Variants in MB21D2 observed in about 807,000 individuals in gnomAD.
The protein encoded by MB21D2 is nucleotidyltransferase MB21D2.
A neutral mutation model predicts 33.3 loss-of-function variants in MB21D2; 9 were observed. The observed-to-expected ratio is 0.27, with a 90% CI of 0.16 to 0.47. The LOEUF is 0.47. Ranked by LOEUF, MB21D2 falls within the 20% of genes least tolerant of loss-of-function variation. The pLI is 0.99. For synonymous variants in MB21D2, 241 were observed against 236.3 expected (o/e 1.02, Z -0.18); for missense variants, 540 against 624.6 (o/e 0.86, Z 1.44).
intron 1 of MB21D2, among the ~76,000 whole-genome samples, chr3:192,837,786 G>T (rs1712471880): frequency 6.6e-6 from 1 of 152,166 alleles, no homozygotes; most frequent in Non-Finnish European, 1.5e-5. Context: ...TGTCTAATTT[G>T]AGAAACACAC....
chr3:192,814,698 TAA>T (rs11361135), intron 1 of MB21D2, among the ~76,000 whole-genome samples: 292 of 151,388 alleles, frequency 1.9e-3, no homozygotes, highest in Middle Eastern at 6.8e-3. Context: ...CTGTCTCTAC[TAA>T]AAAAAATACA....
intron 1 of MB21D2, among the ~76,000 whole-genome samples, chr3:192,885,513 G>A (rs36063041): frequency 0.43 from 65,698 of 151,824 alleles, 15,049 homozygotes; most frequent in Middle Eastern, 0.57. Flanking sequence ...GGAAAACTCC[G>A]AAGTGGGGAG....
chr3:192,874,481 C>G (rs142133804), intron 1 of MB21D2, among the ~76,000 whole-genome samples: 1 of 152,208 alleles, frequency 6.6e-6, no homozygotes, highest in Non-Finnish European at 1.5e-5. Flanking sequence ...TTTACCTAAA[C>G]GATGTCACTA....
chr3:192,916,714 G>A (rs916060985), intron 1 of MB21D2, among the ~76,000 whole-genome samples: 1 of 152,174 alleles, frequency 6.6e-6, no homozygotes, highest in Admixed American at 6.5e-5. Flanking sequence ...TCGGTCTCCC[G>A]GGCCTGGCTC....
At chr3:192,909,751 C>T (rs143023092) in intron 1 of MB21D2, among the ~76,000 whole-genome samples, 117 of 151,474 alleles carry the variant, frequency 7.7e-4, no homozygotes, top group African/African-American at 2.6e-3. Flanking sequence ...GCCAACATGG[C>T]GAAACCCCAT....
intron 1 of MB21D2, among the ~76,000 whole-genome samples, chr3:192,815,426 G>A (rs1172555763): frequency 6.6e-6 from 1 of 152,198 alleles, no homozygotes; most frequent in Non-Finnish European, 1.5e-5. Flanking sequence ...CACCCCACAA[G>A]GATGGAAGCA....
At chr3:192,831,621 A>G (rs1577176443) in intron 1 of MB21D2, among the ~76,000 whole-genome samples, 1 of 152,230 alleles carries the variant, frequency 6.6e-6, no homozygotes, top group East Asian at 1.9e-4. Flanking sequence ...ACTTTTGGAT[A>G]TAAGATGCAC....
chr3:192,824,197 A>G (rs958551913), intron 1 of MB21D2, among the ~76,000 whole-genome samples: 2 of 152,210 alleles, frequency 1.3e-5, no homozygotes, highest in Non-Finnish European at 2.9e-5. Flanking sequence ...GTCACACCCC[A>G]GTGTCTAAGG....
At chr3:192,870,048 G>A (rs911628704) in intron 1 of MB21D2, among the ~76,000 whole-genome samples, 1 of 152,180 alleles carries the variant, frequency 6.6e-6, no homozygotes, top group African/African-American at 2.4e-5. Context: ...AATGAATAAG[G>A]CTAATAATTA....
chr3:192,841,961 C>T (rs1001940548), intron 1 of MB21D2, among the ~76,000 whole-genome samples: 2 of 152,118 alleles, frequency 1.3e-5, no homozygotes, highest in African/African-American at 4.8e-5. Flanking sequence ...CAGAAAAGCT[C>T]CGTGGGCAGT....
chr3:192,914,881 C>A (rs1287527324), intron 1 of MB21D2, among the ~76,000 whole-genome samples: 1 of 152,102 alleles, frequency 6.6e-6, no homozygotes, highest in Non-Finnish European at 1.5e-5. Flanking sequence ...CAGCTGTCTA[C>A]CACCTCCTTG....
rs573071003 is a variant in MB21D2, at chr3:192,833,385, C to G, written c.212-33735G>C. On this transcript the variant is annotated intron_variant, in intron 1 of 1. Transcript: ENST00000392452. Reference sequence around the variant, plus strand: ...TTCTGACAATCTGACGCAACTATGGCAGCACATTCAAGCCATTAAAAATCT... The same window carrying G: ...TTCTGACAATCTGACGCAACTATGGGAGCACATTCAAGCCATTAAAAATCT... Among the ~76,000 whole-genome samples the G allele has an allele frequency of 3.9e-5, 6 of 152,300 alleles. No individual in the cohort carries two copies. The South Asian group carries it at 1.2e-3, about 32-fold the overall frequency.
intron 1 of MB21D2, among the ~76,000 whole-genome samples, chr3:192,912,249 G>A (rs1714373442): frequency 1.3e-5 from 2 of 152,138 alleles, no homozygotes; most frequent in Non-Finnish European, 1.5e-5. Flanking sequence ...CAAAGTTTTT[G>A]TTCACCATTT....
intron 1 of MB21D2, among the ~76,000 whole-genome samples, chr3:192,913,797 A>G (rs1162010372): frequency 6.6e-6 from 1 of 152,044 alleles, no homozygotes; most frequent in African/African-American, 2.4e-5. Context: ...ATACTATTGC[A>G]CTCCAGGCTG....
Position 192,839,241 on chromosome 3 carries a change from T to C in MB21D2, c.212-39591A>G, listed in dbSNP as rs898244355. On this transcript the variant is annotated intron_variant, in intron 1 of 1. Transcript: ENST00000392452. Reference sequence around the variant, plus strand: ...ACATATCAGAAGGTGAAGAGGTCAATACAAACAGGTCACCTTAATTCCTTT... The same window carrying C: ...ACATATCAGAAGGTGAAGAGGTCAACACAAACAGGTCACCTTAATTCCTTT... Among the ~76,000 whole-genome samples the C allele has an allele frequency of 2.6e-5, 4 of 152,236 alleles. No individual in the cohort carries two copies. In the South Asian group the frequency reaches 8.3e-4, roughly 32 times the overall value.
At chr3:192,842,141 A>G (rs1315063922) in intron 1 of MB21D2, among the ~76,000 whole-genome samples, 3 of 152,206 alleles carry the variant, frequency 2.0e-5, no homozygotes, top group Admixed American at 2.0e-4. Flanking sequence ...AGAGAGGTCA[A>G]CCAGGAGCCT....
Position 192,880,609 on chromosome 3 carries a change from C to T in MB21D2, c.211+37021G>A, listed in dbSNP as rs551432779. Among the ~76,000 whole-genome samples the T allele has an allele frequency of 1.5e-3, 231 of 152,084 alleles. 5 individuals are homozygous for T. The highest frequency in any genetic ancestry group is 5.2e-3 in the African/African-American group (214 of 41,396). ...CCCCCAGGAAAAGCACGGCCTAGGGCGAGCAGCTGTCGGAGGGGACGGACT... is the reference window on the plus strand; with the variant it reads ...CCCCCAGGAAAAGCACGGCCTAGGGTGAGCAGCTGTCGGAGGGGACGGACT... On this transcript the variant is annotated intron_variant, in intron 1 of 1. Transcript: ENST00000392452.
intron 1 of MB21D2, among the ~76,000 whole-genome samples, chr3:192,809,120 G>A (rs984557585): frequency 1.3e-5 from 2 of 151,188 alleles, no homozygotes. Context: ...TTTTTGACAT[G>A]GAGTCTCGCT....
At chr3:192,823,878 C>T (rs1368201143) in intron 1 of MB21D2, among the ~76,000 whole-genome samples, 1 of 152,040 alleles carries the variant, frequency 6.6e-6, no homozygotes, top group Non-Finnish European at 1.5e-5. Context: ...ATAATTGTTT[C>T]CCATGCCAAA....
Sources: allele counts gnomAD v4.1 joint callset (sites outside exome capture counted in the v4.1 genomes callset), GRCh38; gene constraint gnomAD v4.1.1; transcripts MANE v1.5; gene names NCBI Gene and HGNC (gene_info 2026-07-23, HGNC 2026-07-21).